The following PTGFR variants were observed in gnomAD, a reference collection of about 807,000 sequenced individuals.
PTGFR encodes the protein prostaglandin F receptor, also known as prostaglandin F2-alpha receptor.
A neutral mutation model predicts 26.2 loss-of-function variants in PTGFR; 15 were observed. The ratio of observed to expected loss-of-function variants is 0.57; its 90% CI spans 0.38 to 0.88. PTGFR has a LOEUF of 0.88. Ranked by LOEUF, PTGFR falls within the 40% of genes least tolerant of loss-of-function variation. PTGFR has a pLI of 0.00. For missense variants in PTGFR, 369 were observed against 427.2 expected (o/e 0.86, Z 1.20); for synonymous variants, 165 against 151.1 (o/e 1.09, Z -0.68).
At chr1:78,500,161 T>A (rs1649667800) in intron 2 of PTGFR, among the ~76,000 whole-genome samples, 1 of 152,180 alleles carries the variant, frequency 6.6e-6, no homozygotes, top group Non-Finnish European at 1.5e-5. Context: ...TTCCTTGTCA[T>A]AAAATGAAAG....
chr1:78,524,755 T>C (rs2100389985), intron 2 of PTGFR, among the ~76,000 whole-genome samples: 1 of 152,092 alleles, frequency 6.6e-6, no homozygotes, highest in East Asian at 1.9e-4. Context: ...TTTTTTCTCC[T>C]ATGAAAAGAA....
chr1:78,505,645 A>G (rs1649811356), intron 2 of PTGFR, among the ~76,000 whole-genome samples: 1 of 152,146 alleles, frequency 6.6e-6, no homozygotes, highest in South Asian at 2.1e-4. Flanking sequence ...TCTTGTACAG[A>G]ACATTTTTTT....
In PTGFR at chr1:78,537,925, G is replaced by A. The variant is rs1650698173; in HGVS notation, c.*1238G>A. 6.6e-6 allele frequency: 1 copy of A among 152,078 alleles called. No homozygotes were observed. The highest frequency in any genetic ancestry group is 1.5e-5 in the Non-Finnish European group (1 of 67,984). 9.4% of individuals were successfully genotyped at this position (152,078 alleles called of 1,614,324 possible). A position where few individuals can be genotyped will look rare whatever the true frequency, so the allele number is the denominator to read the frequency against. On this transcript the variant is annotated 3_prime_UTR_variant, in exon 3 of 3. Coordinates refer to ENST00000370757, the MANE Select transcript of PTGFR (RefSeq NM_000959.4). ...AAGAATTTCAATACCCATTCAAATT[G>A]TCCTAGGTCTATCAGAAATTAGGGA... is the stretch of plus-strand genomic sequence containing the variant.
At chr1:78,507,122 C>G (rs1649844408) in intron 2 of PTGFR, among the ~76,000 whole-genome samples, 1 of 152,170 alleles carries the variant, frequency 6.6e-6, no homozygotes, top group Non-Finnish European at 1.5e-5. Context: ...CTTCCCCTCT[C>G]TGGCTCTTTT....
chr1:78,497,581 A>G (rs1199451736), intron 2 of PTGFR, among the ~76,000 whole-genome samples: 1 of 152,194 alleles, frequency 6.6e-6, no homozygotes, highest in Non-Finnish European at 1.5e-5. Flanking sequence ...CTTCTAGAAT[A>G]TGCAAGCCTA....
At chr1:78,519,926 A>C (rs1373398529) in intron 2 of PTGFR, among the ~76,000 whole-genome samples, 1 of 152,088 alleles carries the variant, frequency 6.6e-6, no homozygotes, top group African/African-American at 2.4e-5. Flanking sequence ...TTGTTGATTT[A>C]TAAATTCCTT....
At chr1:78,517,621 A>G (rs1557654625) in intron 2 of PTGFR, among the ~76,000 whole-genome samples, 1 of 152,176 alleles carries the variant, frequency 6.6e-6, no homozygotes, top group African/African-American at 2.4e-5. Context: ...GTGATGAGGA[A>G]CAAAGCAAAG....
chr1:78,509,146 A>T (rs1009876345), intron 2 of PTGFR, among the ~76,000 whole-genome samples: 1 of 152,190 alleles, frequency 6.6e-6, no homozygotes, highest in African/African-American at 2.4e-5. Flanking sequence ...TCCCACCTGT[A>T]TTCTGGTAGC....
In PTGFR at chr1:78,539,040, AG is replaced by A. The variant is rs1650728627; in HGVS notation, c.*2355del. ...AGACAAAAGCAAAAATATCACACATAGGTTTTTATGACTATGAATACAAAGA... is the reference window on the plus strand; with the variant it reads ...AGACAAAAGCAAAAATATCACACATAGTTTTTATGACTATGAATACAAAGA... On this transcript the variant is annotated 3_prime_UTR_variant, in exon 3 of 3. Coordinates refer to ENST00000370757, the MANE Select transcript of PTGFR (RefSeq NM_000959.4). The A allele has an allele frequency of 6.6e-6, 1 of 151,038 alleles. No individual in the cohort carries two copies. The highest frequency in any genetic ancestry group is 2.4e-5 in the African/African-American group (1 of 41,100). 9.4% of individuals were successfully genotyped at this position (151,038 alleles called of 1,614,324 possible). A position where few individuals can be genotyped will look rare whatever the true frequency, so the allele number is the denominator to read the frequency against.
chr1:78,536,356 A>G, intron 2 of PTGFR, 50 bp from the exon 3 acceptor site: 1 of 1,524,042 alleles, frequency 6.6e-7, no homozygotes, highest in Non-Finnish European at 8.8e-7. Context: ...TAAAAATTAT[A>G]GGATTGAAAA....
chr1:78,502,073 C>T (rs896758761), intron 2 of PTGFR, among the ~76,000 whole-genome samples: 14 of 152,136 alleles, frequency 9.2e-5, no homozygotes, highest in African/African-American at 3.4e-4. Context: ...AAGCTCATAG[C>T]TTCAGAAAAC....
At position 78,516,618 on chromosome 1, in the gene PTGFR, G is replaced by C. The variant is rs115589875; in HGVS notation, c.799-19788G>C. On this transcript the variant is annotated intron_variant, in intron 2 of 2. Coordinates refer to ENST00000370757, the MANE Select transcript of PTGFR (RefSeq NM_000959.4). ...AGAGCATTGACAATGCCCTCAGTCT[G>C]ATAACTTTTTCTATCTCCAACCTAA... Among the ~76,000 whole-genome samples, 200 of 152,222 alleles carry C rather than the reference G, an allele frequency of 1.3e-3. 1 individual carries two copies. The highest frequency in any genetic ancestry group is 4.7e-3 in the African/African-American group (197 of 41,544).
chr1:78,500,101 G>C (rs1033726290), intron 2 of PTGFR, among the ~76,000 whole-genome samples: 1 of 151,850 alleles, frequency 6.6e-6, no homozygotes, highest in African/African-American at 2.4e-5. Context: ...AATCATGTTG[G>C]GGGACAAGAG....
intron 2 of PTGFR, among the ~76,000 whole-genome samples, chr1:78,519,403 A>C (rs1186019155): frequency 6.6e-6 from 1 of 152,146 alleles, no homozygotes; most frequent in East Asian, 1.9e-4. Context: ...AATATTTTTG[A>C]CTCTATCACT....
In PTGFR at chr1:78,537,591, T is replaced by C. The variant is rs1650688672; in HGVS notation, c.*904T>C. ...GTGCTTTACCTTGAGCCATTATTTGTGTCAGAGAACAAAAGAAACAGAATC... is the reference window on the plus strand; with the variant it reads ...GTGCTTTACCTTGAGCCATTATTTGCGTCAGAGAACAAAAGAAACAGAATC... On this transcript the variant is annotated 3_prime_UTR_variant, in exon 3 of 3. Coordinates refer to ENST00000370757, the MANE Select transcript of PTGFR (RefSeq NM_000959.4). 6.6e-6 allele frequency: 1 copy of C among 152,132 alleles called. No homozygotes were observed. Among genetic ancestry groups the C allele is most frequent in the Non-Finnish European group, 1.5e-5 (1 of 68,022 alleles). The allele number at this position is 152,132 out of a possible 1,614,324, so 9.4% of individuals were successfully genotyped here.
chr1:78,540,180 A>G lies in PTGFR; in HGVS notation c.*3493A>G, dbSNP rs964207801. Among the ~76,000 whole-genome samples, 2 of 152,132 alleles carry G rather than the reference A, an allele frequency of 1.3e-5. No homozygotes were observed. Among genetic ancestry groups the G allele is most frequent in the Admixed American group, 6.6e-5 (1 of 15,252 alleles). ...TATATGTGGCTGTTTCTCAAACTAC[A>G]GAGCATGGTGAATCACACACAGGCT... On this transcript the variant is annotated 3_prime_UTR_variant, in exon 3 of 3. Transcript: ENST00000370757.
At chr1:78,534,528 A>G (rs940581312) in intron 2 of PTGFR, among the ~76,000 whole-genome samples, 5 of 152,182 alleles carry the variant, frequency 3.3e-5, no homozygotes, top group African/African-American at 9.7e-5. Flanking sequence ...TCTTAGGGGA[A>G]AAAACATAAT....
chr1:78,499,514 G>T (rs139687363), intron 2 of PTGFR, among the ~76,000 whole-genome samples: 3 of 152,316 alleles, frequency 2.0e-5, no homozygotes, highest in African/African-American at 7.2e-5. Context: ...GGGCCCAGTT[G>T]TTGACTACCT....
At chr1:78,512,560 C>T (rs1057281582) in intron 2 of PTGFR, among the ~76,000 whole-genome samples, 3 of 152,156 alleles carry the variant, frequency 2.0e-5, no homozygotes, top group Non-Finnish European at 4.4e-5. Flanking sequence ...TCATTACCAT[C>T]TTGCATGAAC....
Sources: gnomAD v4.1 joint callset for allele counts (sites outside exome capture counted in the v4.1 genomes callset) on GRCh38, gnomAD v4.1.1 for gene constraint, MANE v1.5 for transcripts, NCBI Gene and HGNC (gene_info 2026-07-23, HGNC 2026-07-21) for gene names.